Variants in OAS2 observed in about 807,000 individuals in gnomAD.
OAS2 encodes 2'-5'-oligoadenylate synthetase 2.
OAS2 carries 67 observed loss-of-function variants against 71.3 expected under a neutral mutation model. That is an observed-to-expected ratio of 0.94 (90% CI 0.77 to 1.15). The LOEUF (loss-of-function observed/expected upper bound fraction) is 1.15. Among genes scored for constraint, OAS2 ranks in the 50% most tolerant of loss-of-function variants. OAS2 has a pLI of 0.00. For synonymous variants in OAS2, 327 were observed against 321.8 expected (o/e 1.02, Z -0.17); for missense variants, 789 against 822.5 (o/e 0.96, Z 0.50).
intron 8 of OAS2, among the ~76,000 whole-genome samples, chr12:113,006,969 C>T (rs191205198): frequency 1.3e-5 from 2 of 152,330 alleles, no homozygotes; most frequent in East Asian, 3.9e-4. Context: ...CAGGTTGAAG[C>T]TGTAGGTGGA....
chr12:112,992,149 C>T (rs867033351), intron 2 of OAS2, among the ~76,000 whole-genome samples: 33 of 152,110 alleles, frequency 2.2e-4, no homozygotes, highest in African/African-American at 8.0e-4. Flanking sequence ...AATCCCAGCG[C>T]TTTGGGAGGC....
intron 6 of OAS2, among the ~76,000 whole-genome samples, chr12:113,003,335 G>A (rs1201075400): frequency 1.3e-5 from 2 of 152,104 alleles, no homozygotes; most frequent in Non-Finnish European, 2.9e-5. Flanking sequence ...TGGAGCTGTT[G>A]GCCGTCCTTG....
chr12:112,983,068 T>A (rs538046442), intron 1 of OAS2, among the ~76,000 whole-genome samples: 1 of 152,302 alleles, frequency 6.6e-6, no homozygotes, highest in Admixed American at 6.5e-5. Flanking sequence ...TTCTCTTTTT[T>A]TAGTCTATTT....
At chr12:113,006,738 C>T (rs2240184) in intron 8 of OAS2, 138 bp downstream of exon 8, 11,554 of 667,002 alleles carry the variant, frequency 0.017, 340 homozygotes, top group East Asian at 0.075. Flanking sequence ...ATCTTTACGA[C>T]GTTCCCATCA....
chr12:113,006,689 C>A, intron 8 of OAS2, 89 bp downstream of exon 8: 2 of 1,144,534 alleles, frequency 1.7e-6, no homozygotes, highest in African/African-American at 1.5e-5. Context: ...ATCTCCCATG[C>A]TGAGGGCTGA....
rs1240207465 is a variant in OAS2 at position 113,004,885 on chromosome 12, A to G, written c.1180-49A>G. 3.8e-6 allele frequency: 6 copies of G among 1,594,300 alleles called. No individual in the cohort carries two copies. In the Admixed American group the frequency reaches 1.0e-4, roughly 27 times the overall value. ...TGGTGCCAGCCCACGGGGGCACGGG[A>G]CTCCTCGGTTAAGGAAATTCTGGAT... On this transcript the variant is annotated intron_variant, in intron 6 of 9. Transcript: ENST00000392583.
intron 5 of OAS2, among the ~76,000 whole-genome samples, chr12:113,000,411 T>C (rs949371565): frequency 2.0e-5 from 3 of 152,102 alleles, no homozygotes; most frequent in South Asian, 2.1e-4. Context: ...GTCTCTGCAG[T>C]TGTTGAAGAA....
At chr12:112,988,144 C>T (rs2044157625) in intron 2 of OAS2, 8 of 985,002 alleles carry the variant, frequency 8.1e-6, no homozygotes, top group Non-Finnish European at 8.4e-6. Flanking sequence ...ACAAAATGTC[C>T]AGGTGTCCTA....
chr12:112,983,295 A>T (rs2044100621), intron 1 of OAS2, among the ~76,000 whole-genome samples: 1 of 152,044 alleles, frequency 6.6e-6, no homozygotes, highest in South Asian at 2.1e-4. Context: ...ACGTGATCTC[A>T]GCTCACTGCA....
chr12:113,010,078 T>C lies in OAS2; in HGVS notation c.*823T>C. The C allele has an allele frequency of 1.9e-6, 2 of 1,063,292 alleles. No individual in the cohort carries two copies. The highest frequency in any genetic ancestry group is 1.1e-6 in the Non-Finnish European group (1 of 879,082). The allele number at this position is 1,063,292 out of a possible 1,614,324, so 65.9% of individuals were successfully genotyped here. On this transcript the variant is annotated 3_prime_UTR_variant, in exon 10 of 10. Transcript: ENST00000392583. ...GTACCCAGTAGATGCCACCCAGTTG[T>C]GACAATTAAAAGTGTCTTGAGACTT...
At chr12:112,995,795 G>A (rs924348951) in intron 3 of OAS2, among the ~76,000 whole-genome samples, 21 of 152,176 alleles carry the variant, frequency 1.4e-4, no homozygotes, top group Admixed American at 1.2e-3. Flanking sequence ...TTGGCTCAAC[G>A]GGATGTCTGA....
At chr12:112,988,257 A>T in intron 2 of OAS2, 1 of 979,200 alleles carries the variant, frequency 1.0e-6, no homozygotes, top group Non-Finnish European at 1.2e-6. Flanking sequence ...GCCAAATTGA[A>T]TTTAATGGAG....
chr12:113,001,887 A>AAAAAAAAAAAAAACAAAAAAAAAT (rs56814612), intron 5 of OAS2, among the ~76,000 whole-genome samples: 1 of 110,716 alleles, frequency 9.0e-6, no homozygotes, highest in Non-Finnish European at 1.7e-5. Flanking sequence ...AAAAAAAAAA[A>AAAAAAAAAAAAAACAAAAAAAAAT]AGCTAGGCGT....
intron 7 of OAS2, 64 bp downstream of exon 7, chr12:113,005,286 G>A (rs1177684204): frequency 6.6e-7 from 1 of 1,505,102 alleles, no homozygotes; most frequent in Non-Finnish European, 9.0e-7. Flanking sequence ...AGAGCCACGT[G>A]ACTTGATTAC....
At position 112,995,451 on chromosome 12, in the gene OAS2, T is replaced by C. The variant is rs148773687; in HGVS notation, c.604T>C (p.Leu202=). 2 of 1,613,826 alleles carry C rather than the reference T, an allele frequency of 1.2e-6. No individual in the cohort carries two copies. Among genetic ancestry groups the C allele is most frequent in the African/African-American group, 2.7e-5 (2 of 74,916 alleles). ...RPGKLKDLIL[L]IKHWHQQCQK... is the part of the protein sequence containing the mutation. Reference sequence around the variant, plus strand: ...TGGAAAACTAAAGGATTTGATCCTCTTGATAAAGCACTGGCATCAACAGGT... The same window carrying C: ...TGGAAAACTAAAGGATTTGATCCTCCTGATAAAGCACTGGCATCAACAGGT... The change falls in exon 3 of 10, where the codon TTG becomes CTG. Residue 202 remains leucine, a synonymous_variant. Transcript: ENST00000392583.
At position 113,006,496 on chromosome 12, in the gene OAS2, G is replaced by A. The variant is rs764798527; in HGVS notation, c.1552G>A (p.Gly518Arg). ...DLYKSSDLPG[G>R]EFSTCFTVLQ... is the part of the protein sequence containing the mutation. ...GTATAAATCCTCGGACCTCCCGGGA[G>A]GAGAGTTTTCTACCTGTTTCACAGT... Residue 518 changes from glycine (G) to arginine (R), a missense_variant, in exon 8 of 10, where the codon GGA becomes AGA. Transcript: ENST00000392583. 1 of 1,613,680 alleles carries A rather than the reference G, an allele frequency of 6.2e-7. No individual in the cohort carries two copies.
At position 112,987,441 on chromosome 12, in the gene OAS2, GAGA is replaced by G. The variant is rs2044149944; in HGVS notation, c.448+138_448+140del. 4.8e-6 allele frequency: 7 copies of G among 1,464,748 alleles called. No individual in the cohort carries two copies. In the South Asian group the frequency reaches 1.0e-4, roughly 21 times the overall value. 90.7% of individuals were successfully genotyped at this position (1,464,748 alleles called of 1,614,324 possible). ...AATGGGAGACCATAGACCCTCAGGAGAGAAGAATCCCTTCTACCCTGGACTCGC... is the reference window on the plus strand; with the variant it reads ...AATGGGAGACCATAGACCCTCAGGAGAGAATCCCTTCTACCCTGGACTCGC... On this transcript the variant is annotated intron_variant, in intron 2 of 9. Transcript: ENST00000392583.
chr12:113,010,484 G>A lies in OAS2; in HGVS notation c.*1229G>A, dbSNP rs781365762. On this transcript the variant is annotated 3_prime_UTR_variant, in exon 10 of 10. Transcript: ENST00000392583. ...ATAATAATTCTAAAAGAAACTTCTA[G>A]AGATCATCTGGCAATCGCTTTTAAA... is the stretch of plus-strand genomic sequence containing the variant. The A allele has an allele frequency of 3.7e-6, 6 of 1,611,910 alleles. No homozygotes were observed. Among genetic ancestry groups the A allele is most frequent in the Non-Finnish European group, 5.1e-6 (6 of 1,179,594 alleles).
At chr12:113,003,180 G>A in intron 6 of OAS2, 78 bp downstream of exon 6, 2 of 1,457,612 alleles carry the variant, frequency 1.4e-6, no homozygotes, top group South Asian at 1.2e-5. Flanking sequence ...AGTGGGCATT[G>A]TAGCTCTCCA....
Sources: gnomAD v4.1 joint callset for allele counts (sites outside exome capture counted in the v4.1 genomes callset) on GRCh38, gnomAD v4.1.1 for gene constraint, MANE v1.5 for transcripts, NCBI Gene and HGNC (gene_info 2026-07-23, HGNC 2026-07-21) for gene names.